The following PLEK2 variants were observed in gnomAD, a reference collection of about 807,000 sequenced individuals.
PLEK2 encodes pleckstrin-2.
A neutral mutation model predicts 43.8 loss-of-function variants in PLEK2; 29 were observed. The observed-to-expected ratio is 0.66, with a 90% CI of 0.49 to 0.90. The LOEUF (loss-of-function observed/expected upper bound fraction) is 0.90. Among genes scored for constraint, PLEK2 ranks in the 40% least tolerant of loss-of-function variants. The pLI is 0.00. For synonymous variants in PLEK2, 162 were observed against 173.2 expected (o/e 0.94, Z 0.51); for missense variants, 398 against 448.1 (o/e 0.89, Z 1.01).
intron 1 of PLEK2, among the ~76,000 whole-genome samples, 167 bp downstream of exon 1, chr14:67,411,851 A>G (rs2086117280): frequency 6.6e-6 from 1 of 151,988 alleles, no homozygotes; most frequent in African/African-American, 2.4e-5. Context: ...GTCCCCTCGG[A>G]CATGCAGCTC....
Position 67,392,420 on chromosome 14 carries a change from CT to C in PLEK2, c.676del (p.Ser226AlafsTer6), listed in dbSNP as rs1439820093. ...CTTGGGGCTTATCTTCTTTTTGTAG[CT>C]CTCAGCCTAGGGGGAAGGAGGGAGC... ...DSTALYTFAE[S>X]YKKKISPKEE... On this transcript the variant is annotated frameshift_variant, in exon 6 of 9. Transcript: ENST00000216446. LOFTEE classifies it high-confidence loss of function. 8.1e-6 allele frequency: 13 copies of C among 1,611,924 alleles called. No individual in the cohort carries two copies. The highest frequency in any genetic ancestry group is 1.1e-5 in the Non-Finnish European group (13 of 1,178,152).
Position 67,387,175 on chromosome 14 carries a change from C to A in PLEK2, c.*154G>T, listed in dbSNP as rs180771012. Reference sequence around the variant, plus strand: ...GATGGGGAAGGAAATGGCACCACTGCTGTTTGTAATCTGAGGAACTCTTGG... The same window carrying A: ...GATGGGGAAGGAAATGGCACCACTGATGTTTGTAATCTGAGGAACTCTTGG... On this transcript the variant is annotated 3_prime_UTR_variant, in exon 9 of 9. Transcript: ENST00000216446. 1 of 651,020 alleles carries A rather than the reference C, an allele frequency of 1.5e-6. No individual in the cohort carries two copies. The highest frequency in any genetic ancestry group is 2.5e-6 in the Non-Finnish European group (1 of 402,796). 40.3% of individuals were successfully genotyped at this position (651,020 alleles called of 1,614,324 possible).
intron 1 of PLEK2, among the ~76,000 whole-genome samples, chr14:67,398,275 A>G (rs1185743711): frequency 1.3e-5 from 2 of 152,198 alleles, no homozygotes; most frequent in African/African-American, 4.8e-5. Flanking sequence ...GACAGGCTGG[A>G]GTACAGTGGC....
intron 7 of PLEK2, among the ~76,000 whole-genome samples, chr14:67,388,754 A>AC (rs2085945864): frequency 6.6e-6 from 1 of 152,092 alleles, no homozygotes; most frequent in Non-Finnish European, 1.5e-5. Context: ...ATCTCGGCTC[A>AC]CTGCAACCTC....
intron 1 of PLEK2, among the ~76,000 whole-genome samples, chr14:67,406,901 C>T (rs960888063): frequency 6.6e-6 from 1 of 152,186 alleles, no homozygotes; most frequent in Non-Finnish European, 1.5e-5. Context: ...GGACACTTGT[C>T]CCTGGGCAGA....
chr14:67,409,061 A>T (rs1476782329), intron 1 of PLEK2, among the ~76,000 whole-genome samples: 5 of 151,596 alleles, frequency 3.3e-5, no homozygotes, highest in African/African-American at 7.3e-5. Context: ...TAAAAAAAAA[A>T]AAAGAAATAA....
chr14:67,399,082 T>C (rs1266776808), intron 1 of PLEK2, among the ~76,000 whole-genome samples: 3 of 152,240 alleles, frequency 2.0e-5, no homozygotes, highest in Non-Finnish European at 4.4e-5. Context: ...AGAAAGAATA[T>C]TACTAGTCAA....
At chr14:67,396,270 C>CCG (rs2086008232) in intron 2 of PLEK2, among the ~76,000 whole-genome samples, 1 of 151,892 alleles carries the variant, frequency 6.6e-6, no homozygotes, top group African/African-American at 2.4e-5. Context: ...GCCTCAGCCT[C>CCG]TTGAGTAGAT....
intron 5 of PLEK2, 68 bp downstream of exon 5, chr14:67,392,594 G>A: frequency 1.4e-6 from 2 of 1,427,904 alleles, no homozygotes; most frequent in Non-Finnish European, 2.0e-6. Context: ...TGGCCCCCAG[G>A]CCCCCATTCT....
chr14:67,411,948 GC>G lies in PLEK2; in HGVS notation c.42+69del. 3 of 1,387,964 alleles carry G rather than the reference GC, an allele frequency of 2.2e-6. No homozygotes were observed. The South Asian group carries it at 3.8e-5, about 18-fold the overall frequency. 86.0% of individuals were successfully genotyped at this position (1,387,964 alleles called of 1,614,324 possible). A position where few individuals can be genotyped will look rare whatever the true frequency, so the allele number is the denominator to read the frequency against. ...ATGCCCGTTCCGGGGCGCGCGTCTG[GC>G]CCCGCTCTAGGGAGCCGCGTCGGCG... On this transcript the variant is annotated intron_variant, in intron 1 of 8. Transcript: ENST00000216446.
intron 3 of PLEK2, among the ~76,000 whole-genome samples, chr14:67,393,865 T>C (rs1395381518): frequency 6.6e-6 from 1 of 152,134 alleles, no homozygotes; most frequent in East Asian, 1.9e-4. Flanking sequence ...CAAGAAAGTC[T>C]GAGGCACCAC....
intron 1 of PLEK2, among the ~76,000 whole-genome samples, chr14:67,406,420 G>T (rs1192854759): frequency 6.6e-6 from 1 of 152,120 alleles, no homozygotes; most frequent in East Asian, 1.9e-4. Context: ...TCCTGGTTGT[G>T]TGGAGTTAGG....
rs147214173 is a variant in PLEK2, at chr14:67,392,425, A to G, written c.672T>C (p.Ala224=). ...LDDSTALYTF[A]ESYKKKISPK... is the part of the protein sequence containing the mutation. ...GGCTTATCTTCTTTTTGTAGCTCTC[A>G]GCCTAGGGGGAAGGAGGGAGCAAGG... is the stretch of plus-strand genomic sequence containing the variant. The change falls in exon 6 of 9, where the codon GCT becomes GCC. Residue 224 remains alanine (A), a splice_region_variant and synonymous_variant. Transcript: ENST00000216446. 114 of 1,610,262 alleles carry G rather than the reference A, an allele frequency of 7.1e-5. No individual in the cohort carries two copies. In the African/African-American group the frequency reaches 1.4e-3, roughly 19 times the overall value.
intron 4 of PLEK2, 71 bp from the exon 5 acceptor site, chr14:67,392,920 T>C: frequency 1.5e-6 from 2 of 1,301,056 alleles, no homozygotes; most frequent in South Asian, 2.8e-5. Flanking sequence ...GCCAATGACC[T>C]CACTGACCTT....
intron 6 of PLEK2, among the ~76,000 whole-genome samples, chr14:67,390,987 AAG>A (rs1331288893): frequency 6.6e-6 from 1 of 152,118 alleles, no homozygotes; most frequent in East Asian, 1.9e-4. Context: ...AGCAGAGCCA[AAG>A]AGAGTCCATG....
intron 1 of PLEK2, among the ~76,000 whole-genome samples, chr14:67,399,871 A>T (rs184382345): frequency 6.6e-6 from 1 of 152,372 alleles, no homozygotes; most frequent in Admixed American, 6.5e-5. Context: ...CTGAGGGATC[A>T]GAAAGGAATG....
rs766320994 is a variant in PLEK2 at position 67,387,322 on chromosome 14, G to T, written c.*7C>A. ...GAGGGAGGAATCCTGGTTCCCTCAG[G>T]TCCTTGTCATGTTAGCTTTTTGATA... On this transcript the variant is annotated 3_prime_UTR_variant, in exon 9 of 9. Transcript: ENST00000216446. 1.2e-6 allele frequency: 2 copies of T among 1,608,410 alleles called. No individual in the cohort carries two copies. The highest frequency in any genetic ancestry group is 8.5e-7 in the Non-Finnish European group (1 of 1,178,106).
intron 1 of PLEK2, among the ~76,000 whole-genome samples, chr14:67,405,623 G>T (rs2086073458): frequency 6.6e-6 from 1 of 152,166 alleles, no homozygotes; most frequent in Non-Finnish European, 1.5e-5. Context: ...CAGAGTGATG[G>T]TATCCCAATT....
chr14:67,410,374 G>A (rs192533363), intron 1 of PLEK2, among the ~76,000 whole-genome samples: 10 of 152,210 alleles, frequency 6.6e-5, no homozygotes, highest in South Asian at 2.1e-4. Flanking sequence ...AAAAAGCCCC[G>A]TGCCCAGCTC....
Sources: allele counts gnomAD v4.1 joint callset (sites outside exome capture counted in the v4.1 genomes callset), GRCh38; gene constraint gnomAD v4.1.1; transcripts MANE v1.5; gene names NCBI Gene and HGNC (gene_info 2026-07-23, HGNC 2026-07-21).